Variants in MARCHF8 observed in about 807,000 individuals in gnomAD.
MARCHF8 encodes the protein membrane associated ring-CH-type finger 8, also known as E3 ubiquitin-protein ligase MARCHF8.
A neutral mutation model predicts 51.6 loss-of-function variants in MARCHF8; 40 were observed. The ratio of observed to expected loss-of-function variants is 0.77; its 90% CI spans 0.60 to 1.01. The LOEUF (loss-of-function observed/expected upper bound fraction) is 1.01, where lower values mean the gene tolerates loss of function less well. MARCHF8 is among the 50% of genes least tolerant of loss of function. The probability of loss-of-function intolerance (pLI) is 0.00; values close to 1 mark genes in which losing one functional copy is unlikely to be tolerated. For synonymous variants in MARCHF8, 263 were observed against 280.3 expected, an observed-to-expected ratio of 0.94 and a Z score of 0.62; for missense variants, 685 against 708.6, an observed-to-expected ratio of 0.97 and a Z score of 0.38.
chr10:45,494,946 C>T (rs184917120), intron 2 of MARCHF8, among the ~76,000 whole-genome samples: 61 of 152,202 alleles, frequency 4.0e-4, no homozygotes, highest in African/African-American at 1.2e-3. Context: ...ATGGTGAAAC[C>T]CCATCTCTAC....
intron 2 of MARCHF8, among the ~76,000 whole-genome samples, chr10:45,524,290 T>C (rs1446878423): frequency 2.0e-5 from 3 of 152,224 alleles, no homozygotes; most frequent in Admixed American, 6.5e-5. Flanking sequence ...ATGTTAAGCA[T>C]GCTACAACTT....
intron 3 of MARCHF8, among the ~76,000 whole-genome samples, chr10:45,470,745 G>A (rs748954356): frequency 3.9e-5 from 6 of 152,214 alleles, no homozygotes; most frequent in Non-Finnish European, 7.4e-5. Flanking sequence ...TGCTCCTAAC[G>A]GTCAACTCGG....
chr10:45,564,924 T>C (rs999188758), intron 1 of MARCHF8, among the ~76,000 whole-genome samples: 1 of 129,918 alleles, frequency 7.7e-6, no homozygotes, highest in African/African-American at 2.9e-5. Flanking sequence ...AGACATGGTC[T>C]GATAAACAAA....
At chr10:45,488,025 T>TG (rs1288375863) in intron 3 of MARCHF8, among the ~76,000 whole-genome samples, 1 of 152,124 alleles carries the variant, frequency 6.6e-6, no homozygotes, top group East Asian at 1.9e-4. Context: ...AGTCAATGTG[T>TG]GGGCTGAGAG....
intron 3 of MARCHF8, among the ~76,000 whole-genome samples, chr10:45,478,986 T>G (rs1278465395): frequency 6.6e-6 from 1 of 152,200 alleles, no homozygotes; most frequent in Non-Finnish European, 1.5e-5. Flanking sequence ...GAATTCTCCT[T>G]AACTCATTCT....
intron 1 of MARCHF8, among the ~76,000 whole-genome samples, chr10:45,570,296 C>T (rs939835541): frequency 6.6e-6 from 1 of 151,974 alleles, no homozygotes; most frequent in African/African-American, 2.4e-5. Context: ...CAGTAACTTA[C>T]AAAAAGAATA....
intron 2 of MARCHF8, among the ~76,000 whole-genome samples, chr10:45,515,640 T>A (rs1221392977): frequency 6.6e-6 from 1 of 152,252 alleles, no homozygotes; most frequent in Non-Finnish European, 1.5e-5. Flanking sequence ...CTCTGCATCA[T>A]TCCACAAGCA....
chr10:45,564,174 G>C (rs529678402), intron 1 of MARCHF8, among the ~76,000 whole-genome samples: 1 of 152,224 alleles, frequency 6.6e-6, no homozygotes, highest in Non-Finnish European at 1.5e-5. Context: ...TACTCAGGAG[G>C]CTGAGGCAGG....
At chr10:45,511,683 T>C (rs1355364266) in intron 2 of MARCHF8, among the ~76,000 whole-genome samples, 1 of 152,218 alleles carries the variant, frequency 6.6e-6, no homozygotes, top group South Asian at 2.1e-4. Context: ...GTGCTGGGAT[T>C]GCAGACGGAG....
chr10:45,468,224 C>T (rs564707258), intron 3 of MARCHF8, among the ~76,000 whole-genome samples: 2 of 152,314 alleles, frequency 1.3e-5, no homozygotes, highest in East Asian at 3.9e-4. Flanking sequence ...AAAAACTTTT[C>T]CATATATCCT....
intron 1 of MARCHF8, among the ~76,000 whole-genome samples, chr10:45,583,301 A>G (rs990268763): frequency 6.6e-6 from 1 of 152,210 alleles, no homozygotes; most frequent in African/African-American, 2.4e-5. Flanking sequence ...TGAAATAAAA[A>G]CGGGACAACC....
At chr10:45,482,657 G>A (rs2042908291) in intron 3 of MARCHF8, among the ~76,000 whole-genome samples, 1 of 152,186 alleles carries the variant, frequency 6.6e-6, no homozygotes, top group South Asian at 2.1e-4. Flanking sequence ...AGGGGGCTGA[G>A]GCAGGGAGAA....
chr10:45,563,105 C>A (rs1470591062), intron 1 of MARCHF8, among the ~76,000 whole-genome samples: 1 of 152,136 alleles, frequency 6.6e-6, no homozygotes, highest in Non-Finnish European at 1.5e-5. Flanking sequence ...TAGCTCACTG[C>A]AGCCTCCAAC....
chr10:45,561,077 G>A (rs1021328056), intron 1 of MARCHF8, among the ~76,000 whole-genome samples: 2 of 151,886 alleles, frequency 1.3e-5, no homozygotes, highest in African/African-American at 4.8e-5. Flanking sequence ...ATGATGGCAG[G>A]GCACCTGTCT....
rs1229755185 is a variant in MARCHF8, at chr10:45,547,603, A to AGGTTCTTTT, written c.-78-14315_-78-14314insAAAAGAACC. 4.6e-5 allele frequency among the ~76,000 whole-genome samples: 7 copies of AGGTTCTTTT among 152,330 alleles called. No homozygotes were observed. The East Asian group carries it at 1.3e-3, about 29-fold the overall frequency. ...GCAGCAACCGATCAGGTGAACCTAAAATATGTAGCGGTTTTTTTGTTTTTT... is the reference window on the plus strand; with the variant it reads ...GCAGCAACCGATCAGGTGAACCTAAAGGTTCTTTTATATGTAGCGGTTTTTTTGTTTTTT... On this transcript the variant is annotated intron_variant, in intron 1 of 6. Transcript: ENST00000319836.
chr10:45,551,699 T>C (rs1016196437), intron 1 of MARCHF8, among the ~76,000 whole-genome samples: 2 of 152,154 alleles, frequency 1.3e-5, no homozygotes, highest in Admixed American at 6.6e-5. Context: ...GAATCAACTC[T>C]TCCCTGAGCC....
chr10:45,502,099 T>G (rs546993960), intron 2 of MARCHF8, among the ~76,000 whole-genome samples: 1 of 152,152 alleles, frequency 6.6e-6, no homozygotes, highest in Non-Finnish European at 1.5e-5. Flanking sequence ...AAATTAAACA[T>G]GAAATAGCTA....
At chr10:45,537,254 A>C (rs2043986442), upstream of MARCHF8, among the ~76,000 whole-genome samples, 1 of 152,250 alleles carries the variant, frequency 6.6e-6, no homozygotes, top group Admixed American at 6.5e-5. Flanking sequence ...TCAAATGATA[A>C]ACGGATAAAT....
rs531087946 is a variant in MARCHF8, at chr10:45,578,559, G to A, written c.-79+15676C>T. On this transcript the variant is annotated intron_variant, in intron 1 of 6. Transcript: ENST00000319836. ...TGCAGTTGGAAAGTCATCACTGGAC[G>A]CTAAAACTAGTGGGTGAAAGTTTGA... Among the ~76,000 whole-genome samples the A allele has an allele frequency of 7.2e-5, 11 of 152,248 alleles. No homozygotes were observed. The East Asian group carries it at 1.2e-3, about 16-fold the overall frequency.
Sources: gnomAD v4.1 joint callset for allele counts (sites outside exome capture counted in the v4.1 genomes callset) on GRCh38, gnomAD v4.1.1 for gene constraint, MANE v1.5 for transcripts, NCBI Gene and HGNC (gene_info 2026-07-23, HGNC 2026-07-21) for gene names.